The following KALRN variants were observed in gnomAD, a reference collection of about 807,000 sequenced individuals.
KALRN encodes the protein kalirin RhoGEF kinase.
In KALRN, 70 loss-of-function variants were observed where a neutral mutation model predicts 353.7. The ratio of observed to expected loss-of-function variants is 0.20; its 90% CI spans 0.16 to 0.24. The LOEUF is 0.24. KALRN is among the 10% of genes least tolerant of loss of function. The pLI is 1.00. For missense variants in KALRN, 2,791 were observed against 3,756.7 expected (o/e 0.74, Z 6.72); for synonymous variants, 1,391 against 1,434.8 (o/e 0.97, Z 0.69).
chr3:124,386,085 CAG>C (rs934532807), intron 11 of KALRN, among the ~76,000 whole-genome samples: 14 of 152,276 alleles, frequency 9.2e-5, no homozygotes, highest in African/African-American at 3.1e-4. Flanking sequence ...CAGCGCCTGT[CAG>C]AGAAAAACAT....
At chr3:124,670,177 T>A (rs1013000656) in intron 47 of KALRN, among the ~76,000 whole-genome samples, 3 of 152,208 alleles carry the variant, frequency 2.0e-5, no homozygotes, top group African/African-American at 7.2e-5. Flanking sequence ...GAGACAAGGT[T>A]TTGCCATGTT....
chr3:124,654,699 G>T (rs1003001459), intron 38 of KALRN, among the ~76,000 whole-genome samples: 3 of 152,222 alleles, frequency 2.0e-5, no homozygotes, highest in African/African-American at 7.2e-5. Flanking sequence ...GCAGTGGGCT[G>T]CTGGGAAAGA....
intron 13 of KALRN, among the ~76,000 whole-genome samples, chr3:124,400,837 G>A (rs1053075471): frequency 1.3e-5 from 2 of 152,260 alleles, no homozygotes; most frequent in East Asian, 3.9e-4. Flanking sequence ...CAGGTGTGGT[G>A]GTTTTGCTGT....
At chr3:124,626,413 ATATC>A (rs2079961998) in intron 34 of KALRN, among the ~76,000 whole-genome samples, 1 of 152,234 alleles carries the variant, frequency 6.6e-6, no homozygotes, top group Non-Finnish European at 1.5e-5. Context: ...TGTTTACACT[ATATC>A]TAGGTGATGA....
intron 1 of KALRN, among the ~76,000 whole-genome samples, chr3:124,073,254 A>T (rs2060105805): frequency 2.0e-5 from 3 of 152,120 alleles, no homozygotes; most frequent in African/African-American, 7.2e-5. Context: ...CAGAGTACAC[A>T]CCCTTTACCT....
chr3:124,520,713 C>T (rs1316948904), intron 33 of KALRN, among the ~76,000 whole-genome samples: 1 of 152,154 alleles, frequency 6.6e-6, no homozygotes, highest in Non-Finnish European at 1.5e-5. Flanking sequence ...TGTTAAGAAC[C>T]TCATGGCTTA....
At chr3:124,583,730 T>C (rs2074842317) in intron 34 of KALRN, among the ~76,000 whole-genome samples, 1 of 152,152 alleles carries the variant, frequency 6.6e-6, no homozygotes, top group Non-Finnish European at 1.5e-5. Flanking sequence ...GGAAAAAGTC[T>C]GAATCTCAAG....
intron 33 of KALRN, among the ~76,000 whole-genome samples, chr3:124,557,169 C>A (rs1481809993): frequency 6.6e-6 from 1 of 152,066 alleles, no homozygotes; most frequent in Non-Finnish European, 1.5e-5. Context: ...TACAAATGAT[C>A]CCGTCACCTA....
At chr3:124,058,253 A>G (rs1272976668) in intron 1 of KALRN, among the ~76,000 whole-genome samples, 6 of 152,300 alleles carry the variant, frequency 3.9e-5, no homozygotes, top group Non-Finnish European at 8.8e-5. Context: ...CAAATTCCCC[A>G]TAGAATATTA....
chr3:124,498,169 G>A (rs1268125670), intron 33 of KALRN, among the ~76,000 whole-genome samples: 2 of 152,152 alleles, frequency 1.3e-5, no homozygotes, highest in South Asian at 2.1e-4. Flanking sequence ...GAAAGTCAAA[G>A]CGTTGAATTC....
chr3:124,066,912 T>C (rs1244324814), intron 1 of KALRN, among the ~76,000 whole-genome samples: 2 of 152,224 alleles, frequency 1.3e-5, no homozygotes, highest in Non-Finnish European at 2.9e-5. Context: ...TTCCCAGTAC[T>C]AATATGTGAG....
intron 30 of KALRN, 84 bp from the exon 31 acceptor site, chr3:124,491,239 G>T: frequency 2.3e-6 from 2 of 860,764 alleles, no homozygotes; most frequent in Non-Finnish European, 1.8e-6. Flanking sequence ...TCTCCTCTTT[G>T]TTGCCTTTCC....
At chr3:124,262,628 A>G (rs1342060907) in intron 3 of KALRN, among the ~76,000 whole-genome samples, 2 of 152,252 alleles carry the variant, frequency 1.3e-5, no homozygotes, top group South Asian at 2.1e-4. Context: ...GGACTTTTCT[A>G]TGTACCAGGG....
At chr3:124,437,133 A>G (rs146642639) in intron 17 of KALRN, among the ~76,000 whole-genome samples, 1 of 151,558 alleles carries the variant, frequency 6.6e-6, no homozygotes, top group African/African-American at 2.4e-5. Context: ...GATGCTAGAG[A>G]TGGGACTAGG....
chr3:124,432,551 T>C (rs2093320380), intron 16 of KALRN, among the ~76,000 whole-genome samples: 1 of 152,202 alleles, frequency 6.6e-6, no homozygotes, highest in Non-Finnish European at 1.5e-5. Context: ...AAGACAGCTC[T>C]TGGCCATACC....
At chr3:124,117,857 G>C (rs1412539619) in intron 1 of KALRN, among the ~76,000 whole-genome samples, 1 of 152,162 alleles carries the variant, frequency 6.6e-6, no homozygotes, top group Non-Finnish European at 1.5e-5. Flanking sequence ...AGTAGTACAA[G>C]GTACAAAGCC....
At chr3:124,150,523 T>C (rs1252860136) in intron 1 of KALRN, among the ~76,000 whole-genome samples, 2 of 152,216 alleles carry the variant, frequency 1.3e-5, no homozygotes, top group East Asian at 3.8e-4. Context: ...CTCCTAATGC[T>C]ATCCCTCCTC....
In KALRN at chr3:124,264,415, C is replaced by G. The variant is rs781586025; in HGVS notation, c.264-83C>G. The G allele has an allele frequency of 2.0e-4, 235 of 1,153,132 alleles. 2 individuals are homozygous for G. Among genetic ancestry groups the G allele is most frequent in the Non-Finnish European group, 2.7e-4 (215 of 808,808 alleles). The allele number at this position is 1,153,132 out of a possible 1,614,324, so 71.4% of individuals were successfully genotyped here. ...AGAGTGATTCTGGTCAAGGGGAGTG[C>G]AGGTTTCCGGGTGCTTTTTGACTGT... On this transcript the variant is annotated intron_variant, in intron 3 of 59. Transcript: ENST00000682506.
intron 34 of KALRN, among the ~76,000 whole-genome samples, chr3:124,583,286 T>C (rs1185254827): frequency 6.6e-6 from 1 of 152,114 alleles, no homozygotes; most frequent in Non-Finnish European, 1.5e-5. Context: ...TTTATGAGTG[T>C]TGTGTGTTTC....
Sources: gnomAD v4.1 joint callset for allele counts (sites outside exome capture counted in the v4.1 genomes callset) on GRCh38, gnomAD v4.1.1 for gene constraint, MANE v1.5 for transcripts, NCBI Gene and HGNC (gene_info 2026-07-23, HGNC 2026-07-21) for gene names.